ARMH3: variants seen among roughly 807,000 people sequenced by gnomAD.
ARMH3 encodes the protein armadillo-like helical domain-containing protein 3.
Under a neutral mutation model 99.1 loss-of-function variants are expected in ARMH3, and 60 were observed. The ratio of observed to expected loss-of-function variants is 0.61; its 90% CI spans 0.49 to 0.75. The LOEUF (loss-of-function observed/expected upper bound fraction) is 0.75. Among genes scored for constraint, ARMH3 ranks in the 30% least tolerant of loss-of-function variants. The pLI, the probability that ARMH3 is intolerant of heterozygous loss-of-function variation, is 0.00. For missense variants in ARMH3, 679 were observed against 843.1 expected (o/e 0.81, Z 2.41); for synonymous variants, 285 against 292.8 (o/e 0.97, Z 0.27).
intron 10 of ARMH3, among the ~76,000 whole-genome samples, chr10:102,012,016 A>G (rs2066640652): frequency 2.6e-5 from 4 of 152,228 alleles, no homozygotes; most frequent in Admixed American, 2.6e-4. Flanking sequence ...TAGACTTAGA[A>G]AGCAGGCTGC....
rs551090116 is a variant in ARMH3 at position 101,956,059 on chromosome 10, G to A, written c.1705+538C>T. On this transcript the variant is annotated intron_variant, in intron 22 of 25. Coordinates refer to ENST00000370033, the MANE Select transcript of ARMH3 (RefSeq NM_024541.3). ...TAGGCCCCTATTCCAAACTTATAGG[G>A]ACACATGAATTCTTTCAGAAATAAG... is the stretch of plus-strand genomic sequence containing the variant. Among the ~76,000 whole-genome samples, 9 of 152,174 alleles carry A rather than the reference G, an allele frequency of 5.9e-5. 1 individual carries two copies. The South Asian group carries it at 1.7e-3, about 28-fold the overall frequency.
chr10:101,970,394 C>CTAT (rs367989116), intron 20 of ARMH3, among the ~76,000 whole-genome samples: 5 of 152,192 alleles, frequency 3.3e-5, no homozygotes, highest in African/African-American at 7.2e-5. Context: ...CTACTGGGTT[C>CTAT]TATTATTATT....
intron 9 of ARMH3, 135 bp downstream of exon 9, chr10:102,013,833 A>G: frequency 1.4e-6 from 1 of 727,952 alleles, no homozygotes; most frequent in South Asian, 2.1e-5. Flanking sequence ...CTAAAAAGAA[A>G]TATTAATTCC....
chr10:101,855,024 G>GGCAGATTCT (rs1445445432), intron 24 of ARMH3, among the ~76,000 whole-genome samples: 1 of 23,568 alleles, frequency 4.2e-5, no homozygotes, highest in Non-Finnish European at 7.4e-5. Context: ...TTCAGCCTAT[G>GGCAGATTCT]GCAGATTCTG....
At chr10:101,925,330 T>C (rs1436612844) in intron 23 of ARMH3, among the ~76,000 whole-genome samples, 1 of 152,232 alleles carries the variant, frequency 6.6e-6, no homozygotes, top group East Asian at 1.9e-4. Flanking sequence ...TGAATGCTTA[T>C]TTGGTATAAG....
intron 20 of ARMH3, among the ~76,000 whole-genome samples, chr10:101,970,538 T>A (rs929807556): frequency 1.1e-4 from 16 of 152,176 alleles, no homozygotes; most frequent in Admixed American, 2.6e-4. Flanking sequence ...AAAAGCTAAG[T>A]AGGCCGGGTG....
chr10:102,010,278 C>T (rs543329415), intron 11 of ARMH3, among the ~76,000 whole-genome samples: 13 of 152,286 alleles, frequency 8.5e-5, no homozygotes, highest in Non-Finnish European at 1.5e-4. Context: ...TAAATCACCT[C>T]GCTTTAAAGA....
At chr10:101,918,401 TC>T (rs1246448184) in intron 23 of ARMH3, among the ~76,000 whole-genome samples, 1 of 152,148 alleles carries the variant, frequency 6.6e-6, no homozygotes, top group Non-Finnish European at 1.5e-5. Flanking sequence ...AACAGAGCTT[TC>T]CCCAACTCAT....
chr10:101,894,459 C>T (rs1039211260), intron 23 of ARMH3, among the ~76,000 whole-genome samples: 3 of 152,170 alleles, frequency 2.0e-5, no homozygotes, highest in Non-Finnish European at 4.4e-5. Context: ...TGAATTACGT[C>T]GCTTCTCCTT....
intron 24 of ARMH3, among the ~76,000 whole-genome samples, chr10:101,876,226 C>T (rs973897541): frequency 3.3e-5 from 4 of 119,624 alleles, no homozygotes; most frequent in African/African-American, 1.3e-4. Context: ...TCCAGCCTGG[C>T]GACAGAGCAA....
At chr10:101,879,758 C>T (rs1428306620) in intron 24 of ARMH3, among the ~76,000 whole-genome samples, 1 of 152,162 alleles carries the variant, frequency 6.6e-6, no homozygotes, top group Non-Finnish European at 1.5e-5. Flanking sequence ...ATCTGAAACA[C>T]TTTCTCTCCT....
chr10:101,980,613 G>T (rs543782121), intron 19 of ARMH3, among the ~76,000 whole-genome samples: 1 of 152,130 alleles, frequency 6.6e-6, no homozygotes, highest in East Asian at 1.9e-4. Context: ...ACTCTTTCAA[G>T]TTCTATGGCT....
At position 101,892,314 on chromosome 10, in the gene ARMH3, C is replaced by G. The variant is rs562044280; in HGVS notation, c.1782-2824G>C. Among the ~76,000 whole-genome samples the G allele has an allele frequency of 4.6e-5, 7 of 152,058 alleles. No individual in the cohort carries two copies. The South Asian group carries it at 1.2e-3, about 27-fold the overall frequency. On this transcript the variant is annotated intron_variant, in intron 23 of 25. Coordinates refer to ENST00000370033, the MANE Select transcript of ARMH3 (RefSeq NM_024541.3). ...AAATAATAATAATAATAAGCCAGGGCCAGGTGTGGTGGCATTTGCCTGTAG... is the reference window on the plus strand; with the variant it reads ...AAATAATAATAATAATAAGCCAGGGGCAGGTGTGGTGGCATTTGCCTGTAG...
At chr10:101,853,854 C>A (rs2135274840) in intron 24 of ARMH3, among the ~76,000 whole-genome samples, 1 of 152,328 alleles carries the variant, frequency 6.6e-6, no homozygotes, top group Middle Eastern at 3.4e-3. Flanking sequence ...ATGGCTCATG[C>A]CTGTAATCCC....
rs1362947455 is a variant in ARMH3 at position 101,939,917 on chromosome 10, G to A, written c.1727C>T (p.Ala576Val). 2.5e-6 allele frequency: 4 copies of A among 1,613,668 alleles called. No individual in the cohort carries two copies. The East Asian group carries it at 6.7e-5, about 27-fold the overall frequency. Residue 576 changes from alanine to valine, a missense_variant, in exon 23 of 26, where the codon GCA becomes GTA. Around this residue, in one of 3 missense-constraint regions of ARMH3, gnomAD observed 389 missense variants for 456.5 expected, o/e 0.85. Coordinates refer to ENST00000370033, the MANE Select transcript of ARMH3 (RefSeq NM_024541.3). ...YSMVLRLSTNAGQWKEAASKV... is the reference protein window; with the variant it reads ...YSMVLRLSTNVGQWKEAASKV... ...GCTAGCTGCTTCCTTCCACTGGCCT[G>A]CATTGGTAGAAAGCCTCAGGACTGC... is the stretch of plus-strand genomic sequence containing the variant.
chr10:102,050,677 G>A (rs557788587), intron 1 of ARMH3, among the ~76,000 whole-genome samples: 1 of 151,164 alleles, frequency 6.6e-6, no homozygotes, highest in African/African-American at 2.4e-5. Context: ...GGCCAACATG[G>A]TAAAACCCCA....
chr10:101,870,935 G>A lies in ARMH3; in HGVS notation c.1860+18477C>T, dbSNP rs181235380. On this transcript the variant is annotated intron_variant, in intron 24 of 25. Coordinates refer to ENST00000370033, the MANE Select transcript of ARMH3 (RefSeq NM_024541.3). ...AGCCTGGATGACAGAGTAAGACCCT[G>A]TCTCAAAAAAACCCAAACAACAAAC... Among the ~76,000 whole-genome samples, 542 of 151,888 alleles carry A rather than the reference G, an allele frequency of 3.6e-3. 9 individuals carry two copies. In the South Asian group the frequency reaches 0.071, roughly 20 times the overall value.
At chr10:101,962,222 T>C (rs762333948) in intron 20 of ARMH3, among the ~76,000 whole-genome samples, 9 of 152,168 alleles carry the variant, frequency 5.9e-5, no homozygotes, top group Non-Finnish European at 1.3e-4. Flanking sequence ...GTTGAGACTT[T>C]CCAAACCTGA....
intron 14 of ARMH3, among the ~76,000 whole-genome samples, chr10:102,006,188 A>G (rs2066482926): frequency 6.6e-6 from 1 of 152,236 alleles, no homozygotes; most frequent in South Asian, 2.1e-4. Context: ...AGTGCTTTAT[A>G]ATCACAAGGT....
Sources: allele counts gnomAD v4.1 joint callset (sites outside exome capture counted in the v4.1 genomes callset), GRCh38; gene constraint gnomAD v4.1.1; regional missense constraint gnomAD v4.1.1; transcripts MANE v1.5; gene names NCBI Gene and HGNC (gene_info 2026-07-23, HGNC 2026-07-21).